The following BRINP3 variants were observed in gnomAD, a reference collection of about 807,000 sequenced individuals.
The protein encoded by BRINP3 is BMP/retinoic acid-inducible neural-specific protein 3.
In BRINP3, 19 loss-of-function variants were observed where a neutral mutation model predicts 71.0. The observed-to-expected ratio is 0.27, with a 90% confidence interval of 0.19 to 0.39. The LOEUF is 0.39. Among genes scored for constraint, BRINP3 ranks in the 10% least tolerant of loss-of-function variants. BRINP3 has a pLI of 1.00. For synonymous variants in BRINP3, 380 were observed against 337.7 expected, an observed-to-expected ratio of 1.13 and a Z score of -1.37; for missense variants, 959 against 940.8, an observed-to-expected ratio of 1.02 and a Z score of -0.25.
At chr1:190,165,677 A>G (rs917183061) in intron 6 of BRINP3, among the ~76,000 whole-genome samples, 2 of 109,570 alleles carry the variant, frequency 1.8e-5, no homozygotes, top group African/African-American at 9.4e-5. Flanking sequence ...TTGTCTTCTG[A>G]TTTTCAGTGG....
chr1:190,130,666 A>T (rs1398934831), intron 7 of BRINP3, among the ~76,000 whole-genome samples: 1 of 152,034 alleles, frequency 6.6e-6, no homozygotes, highest in African/African-American at 2.4e-5. Flanking sequence ...TGAAGTTATC[A>T]CTAAGAAGTG....
In BRINP3 at chr1:190,443,256, T is replaced by G. The variant is rs535764885; in HGVS notation, c.236+11399A>C. ...CAGTCTCTACTAAAAATATAAAAAA[T>G]TAGCCGGGCATTGTGGCGGGCGCCT... On this transcript the variant is annotated intron_variant, in intron 2 of 7. Transcript: ENST00000367462. 6.6e-5 allele frequency among the ~76,000 whole-genome samples: 10 copies of G among 152,014 alleles called. No homozygotes were observed. In the South Asian group the frequency reaches 2.1e-3, roughly 31 times the overall value.
chr1:190,340,335 T>C (rs953315453), intron 2 of BRINP3, among the ~76,000 whole-genome samples: 3 of 151,916 alleles, frequency 2.0e-5, no homozygotes, highest in Non-Finnish European at 4.4e-5. Flanking sequence ...TTTGAGCTGC[T>C]CATCTGAAAG....
chr1:190,415,763 T>A (rs1380389656), intron 2 of BRINP3, among the ~76,000 whole-genome samples: 1 of 151,742 alleles, frequency 6.6e-6, no homozygotes, highest in Non-Finnish European at 1.5e-5. Flanking sequence ...ATCAGCCAGG[T>A]ATGGTGGCAT....
intron 7 of BRINP3, among the ~76,000 whole-genome samples, chr1:190,153,424 T>C (rs1020647080): frequency 2.0e-5 from 3 of 152,142 alleles, no homozygotes; most frequent in African/African-American, 4.8e-5. Context: ...ATGCACTGGG[T>C]ACTTCATATT....
At chr1:190,276,164 G>C (rs1558135937) in intron 3 of BRINP3, among the ~76,000 whole-genome samples, 1 of 151,452 alleles carries the variant, frequency 6.6e-6, no homozygotes, top group East Asian at 1.9e-4. Context: ...TATATTCTGA[G>C]AGAAAGTAAT....
chr1:190,439,545 A>G (rs552313160), intron 2 of BRINP3, among the ~76,000 whole-genome samples: 9 of 151,654 alleles, frequency 5.9e-5, no homozygotes, highest in Non-Finnish European at 1.3e-4. Context: ...GTGTGTGTGT[A>G]TGTGTATGGG....
intron 2 of BRINP3, among the ~76,000 whole-genome samples, chr1:190,388,731 T>C: frequency 6.6e-6 from 1 of 151,842 alleles, no homozygotes; most frequent in East Asian, 1.9e-4. Flanking sequence ...TTACAACATC[T>C]CTAAGAAATT....
intron 2 of BRINP3, among the ~76,000 whole-genome samples, chr1:190,442,335 A>G (rs1367590866): frequency 2.6e-5 from 4 of 152,214 alleles, no homozygotes; most frequent in African/African-American, 9.6e-5. Context: ...ATAAGGCCAC[A>G]GCAAAACAGA....
At chr1:190,419,690 TAC>T (rs5779528) in intron 2 of BRINP3, among the ~76,000 whole-genome samples, 56,838 of 148,266 alleles carry the variant, frequency 0.38, 10,849 homozygotes, top group Admixed American at 0.45. Context: ...TATACATTTA[TAC>T]ACACACACAC....
intron 6 of BRINP3, among the ~76,000 whole-genome samples, chr1:190,181,152 A>G (rs1652996183): frequency 6.6e-6 from 1 of 152,086 alleles, no homozygotes; most frequent in Non-Finnish European, 1.5e-5. Context: ...ATGAAATCAG[A>G]CAATACATGG....
intron 6 of BRINP3, among the ~76,000 whole-genome samples, chr1:190,213,723 C>T (rs1656177662): frequency 1.3e-5 from 2 of 151,602 alleles, no homozygotes; most frequent in South Asian, 4.2e-4. Context: ...AACTCCAAAG[C>T]CCAAGTAAAA....
intron 2 of BRINP3, among the ~76,000 whole-genome samples, chr1:190,453,061 T>C (rs1675726908): frequency 6.6e-6 from 1 of 152,000 alleles, no homozygotes; most frequent in Admixed American, 6.6e-5. Flanking sequence ...TCTAACACAT[T>C]CTTAGAATCC....
intron 2 of BRINP3, among the ~76,000 whole-genome samples, chr1:190,317,549 T>G (rs912600487): frequency 1.3e-5 from 2 of 152,160 alleles, no homozygotes; most frequent in Non-Finnish European, 2.9e-5. Flanking sequence ...ATTCCCTGTC[T>G]CATATTCATC....
chr1:190,436,694 A>G (rs1006974198), intron 2 of BRINP3, among the ~76,000 whole-genome samples: 1 of 151,860 alleles, frequency 6.6e-6, no homozygotes, highest in Non-Finnish European at 1.5e-5. Flanking sequence ...AATGTAGGAA[A>G]TATGCCTGGT....
chr1:190,179,701 T>C (rs1430384850), intron 6 of BRINP3, among the ~76,000 whole-genome samples: 1 of 152,162 alleles, frequency 6.6e-6, no homozygotes, highest in Non-Finnish European at 1.5e-5. Context: ...ATAAAGTGAA[T>C]AGTCTTTCCA....
chr1:190,313,384 G>A (rs1278618907), intron 2 of BRINP3, among the ~76,000 whole-genome samples: 1 of 152,008 alleles, frequency 6.6e-6, no homozygotes, highest in East Asian at 1.9e-4. Context: ...GCAGAAGTCA[G>A]CGTGAAGGGT....
At chr1:190,423,340 A>C (rs1015733996) in intron 2 of BRINP3, among the ~76,000 whole-genome samples, 3 of 151,800 alleles carry the variant, frequency 2.0e-5, no homozygotes, top group Non-Finnish European at 4.4e-5. Context: ...ACATTTTAGT[A>C]TTTAGGAATG....
At chr1:190,105,005 G>T (rs544204128) in intron 7 of BRINP3, among the ~76,000 whole-genome samples, 1 of 152,098 alleles carries the variant, frequency 6.6e-6, no homozygotes, top group South Asian at 2.1e-4. Context: ...GTTATTCTCA[G>T]ACATGAATAC....
Sources: allele counts gnomAD v4.1 joint callset (sites outside exome capture counted in the v4.1 genomes callset), GRCh38; gene constraint gnomAD v4.1.1; transcripts MANE v1.5; gene names NCBI Gene and HGNC (gene_info 2026-07-23, HGNC 2026-07-21).